Variants in ZNF658 observed in about 807,000 individuals in gnomAD.
The protein encoded by ZNF658 is zinc finger protein 658.
In ZNF658, 46 loss-of-function variants were observed where a neutral mutation model predicts 78.0. That is an observed-to-expected ratio of 0.59 (90% CI 0.47 to 0.75). The LOEUF (loss-of-function observed/expected upper bound fraction) is 0.75. ZNF658 is among the 30% of genes least tolerant of loss of function. The pLI, the probability that ZNF658 is intolerant of heterozygous loss-of-function variation, is 0.00. For synonymous variants in ZNF658, 279 were observed against 408.4 expected (o/e 0.68, Z 3.82); for missense variants, 785 against 1,189.3 (o/e 0.66, Z 5.00).
At chr9:66,910,404 T>C (rs539182019) in intron 4 of ZNF658, among the ~76,000 whole-genome samples, 1 of 151,878 alleles carries the variant, frequency 6.6e-6, no homozygotes, top group East Asian at 1.9e-4. Flanking sequence ...AAGAGTGACA[T>C]AATTTAGATC....
chr9:66,908,375 C>A lies in ZNF658; in HGVS notation c.142+11C>A. 1 of 1,614,060 alleles carries A rather than the reference C, an allele frequency of 6.2e-7. No homozygotes were observed. ...ACCTCATCTCAGTGGGTGAGCATAG[C>A]TTACCATGGGGCTCTCTCGAGAATA... On this transcript the variant is annotated intron_variant, in intron 3 of 4. Coordinates refer to ENST00000621410, the MANE Select transcript of ZNF658 (RefSeq NM_033160.7).
rs750944623 is a variant in ZNF658 at position 66,917,887 on chromosome 9, T to C, written c.321T>C (p.Ala107=). 1.2e-6 allele frequency: 2 copies of C among 1,606,674 alleles called. No individual in the cohort carries two copies. The highest frequency in any genetic ancestry group is 2.7e-5 in the African/African-American group (2 of 73,260). The stretch of plus-strand genomic sequence containing the variant: ...GGCAAGAAATATTCATCAGTGATGC[T>C]GACAAAACATTGAGTAAAGAAGGAC... ...PLWQEIFISD[A]DKTLSKEGQK... is the part of the protein sequence containing the mutation. The change falls in exon 5 of 5, where the codon GCT becomes GCC. Residue 107 remains alanine (A), a synonymous_variant. Coordinates refer to ENST00000621410, the MANE Select transcript of ZNF658 (RefSeq NM_033160.7).
chr9:66,929,253 C>T (rs1175552923), intron 6 of ZNF658, among the ~76,000 whole-genome samples: 1 of 136,812 alleles, frequency 7.3e-6, no homozygotes, highest in Non-Finnish European at 1.6e-5. Context: ...ACCCTGAACA[C>T]TAACCTTGAT....
rs1317350843 is a variant in ZNF658, at chr9:66,919,664, G to T, written c.2098G>T (p.Ala700Ser). The T allele has an allele frequency of 8.1e-6, 13 of 1,610,838 alleles. No individual in the cohort carries two copies. Among genetic ancestry groups the T allele is most frequent in the South Asian group, 2.2e-5 (2 of 90,902 alleles). ...TGAGAAAACTTTTGCCCATAATTCAGCCCTCAAAATACATCAGAGAATTCA... is the reference window on the plus strand; with the variant it reads ...TGAGAAAACTTTTGCCCATAATTCATCCCTCAAAATACATCAGAGAATTCA... Reference protein sequence around the residue: ...DCEKTFAHNSALKIHQRIHTG... With the variant: ...DCEKTFAHNSSLKIHQRIHTG... The change falls in exon 5 of 5, where the codon GCC becomes TCC. Residue 700 changes from alanine (A) to serine (S), a missense_variant. By Grantham distance (99) the Ala-to-Ser change is moderately conservative. Transcript: ENST00000621410.
At chr9:66,930,739 G>T (rs1268417388) in intron 6 of ZNF658, among the ~76,000 whole-genome samples, 1 of 151,728 alleles carries the variant, frequency 6.6e-6, no homozygotes, top group Non-Finnish European at 1.5e-5. Flanking sequence ...TGACTTTGCT[G>T]GGTTTTCTTT....
intron 6 of ZNF658, among the ~76,000 whole-genome samples, chr9:66,931,037 A>G (rs1822638396): frequency 1.3e-5 from 2 of 152,110 alleles, no homozygotes; most frequent in Non-Finnish European, 2.9e-5. Context: ...TAAGCACATG[A>G]GAAATGATTA....
At chr9:66,928,898 GTT>G (rs1314088878) in intron 6 of ZNF658, among the ~76,000 whole-genome samples, 1 of 146,902 alleles carries the variant, frequency 6.8e-6, no homozygotes, top group Non-Finnish European at 1.5e-5. Flanking sequence ...AGTTTCCTGT[GTT>G]TTACACGTGT....
At chr9:66,907,437 C>T (rs988343770) in intron 2 of ZNF658, among the ~76,000 whole-genome samples, 4 of 152,068 alleles carry the variant, frequency 2.6e-5, no homozygotes, top group Non-Finnish European at 5.9e-5. Context: ...TCATCCTGTG[C>T]AATAGCTCAA....
At chr9:66,930,387 C>A (rs1043686275) in intron 6 of ZNF658, among the ~76,000 whole-genome samples, 1 of 143,472 alleles carries the variant, frequency 7.0e-6, no homozygotes, top group Non-Finnish European at 1.5e-5. Context: ...TCTACAAGAC[C>A]CCCAGCAAAG....
At position 66,918,930 on chromosome 9, in the gene ZNF658, T is replaced by A; in HGVS notation, c.1364T>A (p.Leu455His). 2.0e-6 allele frequency: 3 copies of A among 1,517,242 alleles called. No homozygotes were observed. The highest frequency in any genetic ancestry group is 1.8e-6 in the Non-Finnish European group (2 of 1,116,944). 94.0% of individuals were successfully genotyped at this position (1,517,242 alleles called of 1,614,324 possible). Residue 455 changes from leucine to histidine, a missense_variant, in exon 5 of 5, where the codon CTC becomes CAC. By Grantham distance (99) the Leu-to-His change is moderately conservative. Coordinates refer to ENST00000621410, the MANE Select transcript of ZNF658 (RefSeq NM_033160.7). ...AAAGCTTTCTGTCAGAATTCAAACC[T>A]CAGTAAACATCTGAGAATTCACACA... Reference protein sequence around the residue: ...CGKAFCQNSNLSKHLRIHTKE... With the variant: ...CGKAFCQNSNHSKHLRIHTKE...
chr9:66,908,022 TTG>T (rs1018813958), intron 2 of ZNF658, among the ~76,000 whole-genome samples: 39 of 151,416 alleles, frequency 2.6e-4, no homozygotes, highest in African/African-American at 9.2e-4. Context: ...TGATTTTTTT[TTG>T]TCTTACAAAA....
chr9:66,910,492 CAT>C (rs1822189007), intron 4 of ZNF658, among the ~76,000 whole-genome samples: 1 of 151,302 alleles, frequency 6.6e-6, no homozygotes, highest in Non-Finnish European at 1.5e-5. Context: ...AAATAAGTAA[CAT>C]AGAAAGATCA....
intron 2 of ZNF658, among the ~76,000 whole-genome samples, chr9:66,906,313 A>G (rs1822078789): frequency 6.6e-6 from 1 of 150,476 alleles, no homozygotes. Flanking sequence ...TTTCCAGAGC[A>G]TAATCACAGC....
chr9:66,910,913 TAGGAAAAGCTC>T (rs1822201652), intron 4 of ZNF658, among the ~76,000 whole-genome samples: 1 of 151,462 alleles, frequency 6.6e-6, no homozygotes, highest in Non-Finnish European at 1.5e-5. Flanking sequence ...TTCATTAAAG[TAGGAAAAGCTC>T]TCATTCAAGA....
At chr9:66,905,063 C>CT (rs1822044312) in intron 2 of ZNF658, among the ~76,000 whole-genome samples, 3 of 55,538 alleles carry the variant, frequency 5.4e-5, no homozygotes, top group Admixed American at 2.4e-4. Flanking sequence ...TTCTCTTTTT[C>CT]TTTTCTTTTT....
At chr9:66,927,037 C>A (rs1315058584) in intron 6 of ZNF658, among the ~76,000 whole-genome samples, 2 of 151,962 alleles carry the variant, frequency 1.3e-5, no homozygotes. Context: ...TGTCTTATAC[C>A]ATACACAAAA....
chr9:66,929,542 T>G (rs1016985673), intron 6 of ZNF658, among the ~76,000 whole-genome samples: 10 of 151,914 alleles, frequency 6.6e-5, no homozygotes, highest in African/African-American at 1.9e-4. Flanking sequence ...GAATGTTTCT[T>G]CCAGGATGCA....
At chr9:66,927,404 A>T (rs1253396361) in intron 6 of ZNF658, among the ~76,000 whole-genome samples, 1 of 152,102 alleles carries the variant, frequency 6.6e-6, no homozygotes, top group Non-Finnish European at 1.5e-5. Flanking sequence ...TGTTTGTGGG[A>T]ATACACGATG....
At chr9:66,915,083 A>G (rs1028321553) in intron 4 of ZNF658, among the ~76,000 whole-genome samples, 2 of 151,668 alleles carry the variant, frequency 1.3e-5, no homozygotes, top group Non-Finnish European at 1.5e-5. Flanking sequence ...ACACACACAC[A>G]CACACACACA....
Sources: allele counts gnomAD v4.1 joint callset (sites outside exome capture counted in the v4.1 genomes callset), GRCh38; gene constraint gnomAD v4.1.1; transcripts MANE v1.5; gene names NCBI Gene and HGNC (gene_info 2026-07-23, HGNC 2026-07-21).